PDE5A: variants seen among roughly 807,000 people sequenced by gnomAD.
PDE5A encodes phosphodiesterase 5A, also known as cGMP-specific 3',5'-cyclic phosphodiesterase.
A neutral mutation model predicts 110.2 loss-of-function variants in PDE5A; 67 were observed. The observed-to-expected ratio is 0.61, with a 90% confidence interval of 0.50 to 0.75. The LOEUF is 0.75. Among genes scored for constraint, PDE5A ranks in the 30% least tolerant of loss-of-function variants. The pLI is 0.00. For synonymous variants in PDE5A, 328 were observed against 351.2 expected (o/e 0.93, Z 0.74); for missense variants, 862 against 1,045.1 (o/e 0.82, Z 2.42).
intron 10 of PDE5A, among the ~76,000 whole-genome samples, chr4:119,539,913 A>G (rs1726864767): frequency 6.6e-6 from 1 of 152,114 alleles, no homozygotes; most frequent in African/African-American, 2.4e-5. Flanking sequence ...AACATTTTTG[A>G]GTTTGAGATT....
Position 119,627,408 on chromosome 4 carries a change from C to T in PDE5A, c.152+1112G>A, listed in dbSNP as rs1194394814. 3 of 604,142 alleles carry T rather than the reference C, an allele frequency of 5.0e-6. No individual in the cohort carries two copies. The highest frequency in any genetic ancestry group is 6.2e-6 in the Non-Finnish European group (3 of 481,036). 37.4% of individuals were successfully genotyped at this position (604,142 alleles called of 1,614,324 possible). A position where few individuals can be genotyped will look rare whatever the true frequency, so the allele number is the denominator to read the frequency against. ...CGGCCGCGCGCCGGCGAGTGGGACC[C>T]GGGCGTCGAACCCGGGCGGGCTCCT... On this transcript the variant is annotated intron_variant, in intron 1 of 20. Transcript: ENST00000354960. This position sits in a 1 kb window ranked among gnomAD's most constrained non-coding sequence, Gnocchi z 4.6.
chr4:119,589,233 C>T lies in PDE5A; in HGVS notation c.831+7290G>A, dbSNP rs557513097. Among the ~76,000 whole-genome samples the T allele has an allele frequency of 9.2e-5, 14 of 151,924 alleles. No individual in the cohort carries two copies. In the South Asian group the frequency reaches 2.5e-3, roughly 27 times the overall value. On this transcript the variant is annotated intron_variant, in intron 3 of 20. Coordinates refer to ENST00000354960, the MANE Select transcript of PDE5A (RefSeq NM_001083.4). Reference sequence around the variant, plus strand: ...TAAAGTCCTGCTTTCTACCCCTTATCCTCTCCTCCCCAAATAATCTAGAGA... The same window carrying T: ...TAAAGTCCTGCTTTCTACCCCTTATTCTCTCCTCCCCAAATAATCTAGAGA...
chr4:119,626,853 C>T (rs1730364821), intron 1 of PDE5A, among the ~76,000 whole-genome samples: 2 of 152,102 alleles, frequency 1.3e-5, no homozygotes, highest in African/African-American at 4.8e-5. Flanking sequence ...ATCCCGGAGC[C>T]TTCCCCTCTG....
intron 12 of PDE5A, 85 bp from the exon 13 acceptor site, chr4:119,521,145 C>T: frequency 2.3e-6 from 3 of 1,322,734 alleles, no homozygotes; most frequent in Non-Finnish European, 3.1e-6. Context: ...AAAGCATTCA[C>T]ATTTAGCCTG....
chr4:119,584,998 G>A (rs55661135), intron 3 of PDE5A, among the ~76,000 whole-genome samples: 75,473 of 152,032 alleles, frequency 0.5, 18,927 homozygotes, highest in South Asian at 0.64. Flanking sequence ...AGTCTTGGCC[G>A]GGTGCGGTGG....
chr4:119,565,293 A>G (rs779636565), intron 5 of PDE5A, 28 bp downstream of exon 5: 10 of 1,438,338 alleles, frequency 7.0e-6, no homozygotes, highest in Admixed American at 1.7e-5. Flanking sequence ...AAGTATTTCT[A>G]TGCACTTTCT....
intron 1 of PDE5A, among the ~76,000 whole-genome samples, chr4:119,623,493 A>G (rs1730234864): frequency 6.6e-6 from 1 of 152,228 alleles, no homozygotes; most frequent in Admixed American, 6.5e-5. Flanking sequence ...CTTCTAAGTT[A>G]ATTTGTATTT....
At chr4:119,579,508 C>T (rs1339357702) in intron 3 of PDE5A, among the ~76,000 whole-genome samples, 1 of 151,748 alleles carries the variant, frequency 6.6e-6, no homozygotes, top group Non-Finnish European at 1.5e-5. Context: ...ACTATGCAGC[C>T]ATACAAAATG....
intron 3 of PDE5A, among the ~76,000 whole-genome samples, chr4:119,575,599 G>C (rs904800211): frequency 2.0e-5 from 3 of 152,112 alleles, no homozygotes; most frequent in African/African-American, 7.2e-5. Context: ...CTTCATAAGT[G>C]AAGGAGAAAT....
intron 11 of PDE5A, chr4:119,528,721 T>G (rs534037554): frequency 1.3e-5 from 2 of 152,132 alleles, no homozygotes; most frequent in South Asian, 4.1e-4. Context: ...TATTAATACA[T>G]TTATCTCTGT....
chr4:119,610,887 C>A (rs1729717420), intron 1 of PDE5A, among the ~76,000 whole-genome samples: 1 of 152,166 alleles, frequency 6.6e-6, no homozygotes. Context: ...CCTATACTTA[C>A]CCCCTTGCAA....
At chr4:119,617,549 A>C (rs985339132) in intron 1 of PDE5A, among the ~76,000 whole-genome samples, 2 of 152,218 alleles carry the variant, frequency 1.3e-5, no homozygotes, top group African/African-American at 4.8e-5. Context: ...ATTAATTAAA[A>C]TATTTTATAA....
At chr4:119,537,948 T>A (rs1056915431) in intron 11 of PDE5A, among the ~76,000 whole-genome samples, 1 of 152,074 alleles carries the variant, frequency 6.6e-6, no homozygotes, top group Admixed American at 6.6e-5. Context: ...TTAATATTCA[T>A]CTTAATATTT....
At chr4:119,610,867 T>C (rs1729716407) in intron 1 of PDE5A, among the ~76,000 whole-genome samples, 1 of 152,096 alleles carries the variant, frequency 6.6e-6, no homozygotes, top group Non-Finnish European at 1.5e-5. Flanking sequence ...CCCTAATTAA[T>C]CTCTCTGATC....
chr4:119,553,522 A>G (rs137887715), intron 8 of PDE5A, 116 bp downstream of exon 8: 26,591 of 701,074 alleles, frequency 0.038, 649 homozygotes, highest in South Asian at 0.072. Context: ...GGGAAAGCAC[A>G]GATCATTCCT....
intron 19 of PDE5A, among the ~76,000 whole-genome samples, 163 bp from the exon 20 acceptor site, chr4:119,501,416 T>G (rs1725328405): frequency 1.3e-5 from 2 of 152,214 alleles, no homozygotes. Flanking sequence ...GTTTAAGCTA[T>G]TCTCCTGCCT....
chr4:119,588,765 A>T (rs1728863028), intron 3 of PDE5A, among the ~76,000 whole-genome samples: 1 of 152,246 alleles, frequency 6.6e-6, no homozygotes, highest in South Asian at 2.1e-4. Context: ...GCCAAAGTAT[A>T]AATCTCATAA....
intron 14 of PDE5A, among the ~76,000 whole-genome samples, chr4:119,513,121 T>C (rs966234934): frequency 2.0e-5 from 3 of 152,158 alleles, no homozygotes; most frequent in African/African-American, 7.2e-5. Flanking sequence ...TTTAACAGAC[T>C]TCATGCAAGT....
intron 1 of PDE5A, among the ~76,000 whole-genome samples, chr4:119,613,300 T>G (rs1171057762): frequency 6.6e-6 from 1 of 152,226 alleles, no homozygotes; most frequent in Non-Finnish European, 1.5e-5. Flanking sequence ...GGTTCTATTT[T>G]TCAAGATAAA....
Sources: gnomAD v4.1 joint callset for allele counts (sites outside exome capture counted in the v4.1 genomes callset) on GRCh38, gnomAD v4.1.1 for gene constraint, Gnocchi (gnomAD v3.1) non-coding constraint, MANE v1.5 for transcripts, NCBI Gene and HGNC (gene_info 2026-07-23, HGNC 2026-07-21) for gene names.